Variants in TSHZ2 observed in about 807,000 individuals in gnomAD.
The protein encoded by TSHZ2 is teashirt homolog 2.
A neutral mutation model predicts 74.4 loss-of-function variants in TSHZ2; 21 were observed. That is an observed-to-expected ratio of 0.28 (90% confidence interval 0.20 to 0.41). The LOEUF (loss-of-function observed/expected upper bound fraction) is 0.41, where lower values mean the gene tolerates loss of function less well. TSHZ2 is among the 10% of genes least tolerant of loss of function. The pLI, the probability that TSHZ2 is intolerant of heterozygous loss-of-function variation, is 1.00. For synonymous variants in TSHZ2, 540 were observed against 515.3 expected (o/e 1.05, Z -0.65); for missense variants, 1,244 against 1,293.5 (o/e 0.96, Z 0.59).
chr20:53,423,264 G>A (rs1460004247), intron 2 of TSHZ2, among the ~76,000 whole-genome samples: 2 of 152,118 alleles, frequency 1.3e-5, no homozygotes, highest in African/African-American at 4.8e-5. Flanking sequence ...GCCATGTATG[G>A]TGTTGGCTTT....
At position 53,388,502 on chromosome 20, in the gene TSHZ2, G is replaced by A. The variant is rs376579448; in HGVS notation, c.*9-98642G>A. 1.4e-3 allele frequency among the ~76,000 whole-genome samples: 220 copies of A among 152,260 alleles called. 1 individual carries two copies. Among genetic ancestry groups the A allele is most frequent in the African/African-American group, 5.1e-3 (212 of 41,536 alleles). ...CTGAAGGTGGGTGAAACCCACAGTC[G>A]AGAGCCTGACAGTCACAGTCGCAGG... is the stretch of plus-strand genomic sequence containing the variant. On this transcript the variant is annotated intron_variant, in intron 2 of 2. Coordinates refer to ENST00000371497, the MANE Select transcript of TSHZ2 (RefSeq NM_173485.6).
chr20:53,282,705 G>A (rs1420712183), intron 2 of TSHZ2, among the ~76,000 whole-genome samples: 1 of 152,202 alleles, frequency 6.6e-6, no homozygotes, highest in Non-Finnish European at 1.5e-5. Context: ...CATTTTTCTA[G>A]TGGCACCTTT....
intron 2 of TSHZ2, among the ~76,000 whole-genome samples, chr20:53,472,703 G>C (rs1487257966): frequency 6.6e-6 from 1 of 151,964 alleles, no homozygotes; most frequent in Non-Finnish European, 1.5e-5. Context: ...CCCAGCCTGA[G>C]CGACGCAGAA....
intron 1 of TSHZ2, among the ~76,000 whole-genome samples, chr20:53,107,798 G>T (rs1986421974): frequency 6.6e-6 from 1 of 152,106 alleles, no homozygotes; most frequent in South Asian, 2.1e-4. Flanking sequence ...GGCCCCTGTG[G>T]AATATTTGTT....
intron 1 of TSHZ2, among the ~76,000 whole-genome samples, chr20:53,199,845 C>T: frequency 6.6e-6 from 1 of 152,202 alleles, no homozygotes. Flanking sequence ...ACCACAGCCT[C>T]AGTCTTCTAA....
intron 1 of TSHZ2, among the ~76,000 whole-genome samples, chr20:53,245,128 G>A (rs1311460244): frequency 6.6e-6 from 1 of 152,108 alleles, no homozygotes; most frequent in Non-Finnish European, 1.5e-5. Flanking sequence ...CTGCATTCTT[G>A]GTGTTTCACA....
chr20:53,367,897 G>A (rs1484712600), intron 2 of TSHZ2, among the ~76,000 whole-genome samples: 6 of 152,166 alleles, frequency 3.9e-5, no homozygotes, highest in South Asian at 2.1e-4. Context: ...AAATAAGCCC[G>A]TAACTAGTAA....
At chr20:53,069,754 C>T (rs1412052685) in intron 1 of TSHZ2, among the ~76,000 whole-genome samples, 1 of 150,878 alleles carries the variant, frequency 6.6e-6, no homozygotes, top group Non-Finnish European at 1.5e-5. Flanking sequence ...AGAGACGCCA[C>T]TGGATGAGGG....
intron 1 of TSHZ2, among the ~76,000 whole-genome samples, chr20:53,051,831 A>G (rs923218522): frequency 2.6e-5 from 4 of 152,210 alleles, no homozygotes; most frequent in African/African-American, 9.7e-5. Flanking sequence ...TTTTGATTTT[A>G]ATCAAAAGAA....
chr20:52,983,753 T>C (rs1981652109), intron 1 of TSHZ2, among the ~76,000 whole-genome samples: 1 of 152,226 alleles, frequency 6.6e-6, no homozygotes, highest in Admixed American at 6.5e-5. Flanking sequence ...GCGGTAAATA[T>C]TGTGCATTCA....
At chr20:53,185,720 G>C in intron 1 of TSHZ2, 1 of 1,535,880 alleles carries the variant, frequency 6.5e-7, no homozygotes. Flanking sequence ...CATCCCTATG[G>C]CTCTATTCTC....
chr20:53,170,695 A>C (rs1988178035), intron 1 of TSHZ2, among the ~76,000 whole-genome samples: 1 of 152,214 alleles, frequency 6.6e-6, no homozygotes, highest in African/African-American at 2.4e-5. Flanking sequence ...TGTGGTATGA[A>C]AAAAGGTTTC....
At chr20:53,418,272 G>A (rs2145710984) in intron 2 of TSHZ2, among the ~76,000 whole-genome samples, 1 of 152,230 alleles carries the variant, frequency 6.6e-6, no homozygotes, top group East Asian at 1.9e-4. Flanking sequence ...TTTCTGATGG[G>A]AAGGAAAGAA....
chr20:53,111,068 TGAG>T (rs1177069628), intron 1 of TSHZ2, among the ~76,000 whole-genome samples: 1 of 152,002 alleles, frequency 6.6e-6, no homozygotes, highest in Admixed American at 6.6e-5. Flanking sequence ...GGAAGAAAAA[TGAG>T]GAGCCCAGGC....
chr20:53,415,594 C>A (rs570032239), intron 2 of TSHZ2, among the ~76,000 whole-genome samples: 1 of 37,124 alleles, frequency 2.7e-5, no homozygotes, highest in South Asian at 9.3e-4. Flanking sequence ...GCCTATGCAG[C>A]TGCCCCCAAA....
chr20:53,124,962 A>G (rs1404454251), intron 1 of TSHZ2, among the ~76,000 whole-genome samples: 4 of 152,238 alleles, frequency 2.6e-5, no homozygotes, highest in African/African-American at 9.6e-5. Context: ...GGAAGTAGCC[A>G]TAGATAATTT....
chr20:53,178,662 T>C (rs1297402127), intron 1 of TSHZ2: 1 of 152,158 alleles, frequency 6.6e-6, no homozygotes, highest in Non-Finnish European at 1.5e-5. Context: ...TTTTATGGAG[T>C]TTGATAAAAT....
chr20:53,351,970 T>G (rs1399683418), intron 2 of TSHZ2, among the ~76,000 whole-genome samples: 1 of 152,230 alleles, frequency 6.6e-6, no homozygotes, highest in African/African-American at 2.4e-5. Flanking sequence ...AGACAGAATG[T>G]ACACAAAATA....
intron 1 of TSHZ2, among the ~76,000 whole-genome samples, chr20:53,078,534 AATT>A (rs1215176689): frequency 2.6e-5 from 4 of 152,150 alleles, no homozygotes; most frequent in Admixed American, 1.3e-4. Context: ...AGCATGGAGG[AATT>A]ATTATAGGTT....
Sources: gnomAD v4.1 joint callset for allele counts (sites outside exome capture counted in the v4.1 genomes callset) on GRCh38, gnomAD v4.1.1 for gene constraint, MANE v1.5 for transcripts, NCBI Gene and HGNC (gene_info 2026-07-23, HGNC 2026-07-21) for gene names.